The following NELL1 variants were observed in gnomAD, a reference collection of about 807,000 sequenced individuals.
NELL1 encodes neural EGFL like 1.
A neutral mutation model predicts 107.4 loss-of-function variants in NELL1; 76 were observed. That is an observed-to-expected ratio of 0.71 (90% CI 0.59 to 0.86). The LOEUF is 0.86. NELL1 is among the 40% of genes least tolerant of loss of function. The probability of loss-of-function intolerance (pLI) is 0.00; values close to 1 mark genes in which losing one functional copy is unlikely to be tolerated. For missense variants in NELL1, 1,024 were observed against 1,005.5 expected, an observed-to-expected ratio of 1.02 and a Z score of -0.25; for synonymous variants, 353 against 341.2, an observed-to-expected ratio of 1.03 and a Z score of -0.38.
At chr11:21,555,169 G>T (rs942692860) in intron 16 of NELL1, among the ~76,000 whole-genome samples, 1 of 151,866 alleles carries the variant, frequency 6.6e-6, no homozygotes, top group African/African-American at 2.4e-5. Flanking sequence ...AAATAAATAT[G>T]CAGGGAATTC....
chr11:20,895,101 C>T (rs1350808679), intron 5 of NELL1, among the ~76,000 whole-genome samples: 2 of 144,764 alleles, frequency 1.4e-5, no homozygotes, highest in Non-Finnish European at 3.0e-5. Context: ...GAAACCCCGT[C>T]TCTACTAAAA....
chr11:21,103,687 CT>C (rs1469822665), intron 12 of NELL1, among the ~76,000 whole-genome samples: 1 of 152,148 alleles, frequency 6.6e-6, no homozygotes, highest in African/African-American at 2.4e-5. Flanking sequence ...CTTGTTTACT[CT>C]TGACTGAATT....
At chr11:21,523,316 T>A (rs754911213) in intron 15 of NELL1, among the ~76,000 whole-genome samples, 2 of 152,190 alleles carry the variant, frequency 1.3e-5, no homozygotes, top group Non-Finnish European at 2.9e-5. Flanking sequence ...AGTCTGACAA[T>A]CTTTGCCTTT....
intron 13 of NELL1, chr11:21,169,656 C>A: frequency 4.3e-6 from 2 of 467,022 alleles, no homozygotes; most frequent in Non-Finnish European, 7.5e-6. Flanking sequence ...TTTAGGCAAA[C>A]CCCTTCCTTA....
chr11:20,733,992 T>C (rs1031699969), intron 2 of NELL1, among the ~76,000 whole-genome samples: 1 of 151,912 alleles, frequency 6.6e-6, no homozygotes, highest in African/African-American at 2.4e-5. Context: ...GTACAGGTGA[T>C]AGGGATGTTT....
At chr11:20,988,490 T>G (rs528132337) in intron 12 of NELL1, among the ~76,000 whole-genome samples, 1 of 150,598 alleles carries the variant, frequency 6.6e-6, no homozygotes, top group Admixed American at 6.6e-5. Context: ...TATATACACA[T>G]GTACATATAT....
chr11:21,319,516 A>ATATT (rs1291132794), intron 14 of NELL1, among the ~76,000 whole-genome samples: 1 of 120,328 alleles, frequency 8.3e-6, no homozygotes, highest in Non-Finnish European at 1.8e-5. Context: ...ATATATATAT[A>ATATT]TTTTTAGTAG....
At chr11:20,682,422 T>C (rs1056582190) in intron 2 of NELL1, among the ~76,000 whole-genome samples, 1 of 151,994 alleles carries the variant, frequency 6.6e-6, no homozygotes, top group African/African-American at 2.4e-5. Flanking sequence ...CAAAATTAAT[T>C]GGTATTTTAC....
chr11:21,292,689 C>T (rs1163286235), intron 14 of NELL1, among the ~76,000 whole-genome samples: 1 of 152,014 alleles, frequency 6.6e-6, no homozygotes, highest in Non-Finnish European at 1.5e-5. Context: ...ATACTGCAAG[C>T]CTACAGTAAC....
intron 2 of NELL1, among the ~76,000 whole-genome samples, chr11:20,755,555 T>TTTTA (rs1564895047): frequency 5.4e-5 from 1 of 18,372 alleles, no homozygotes; most frequent in African/African-American, 9.8e-5. Flanking sequence ...TTTTTGTTTT[T>TTTTA]GTTTTTGTTT....
chr11:21,412,520 A>G (rs936647851), intron 15 of NELL1, among the ~76,000 whole-genome samples: 1 of 152,090 alleles, frequency 6.6e-6, no homozygotes, highest in African/African-American at 2.4e-5. Context: ...AAATGACAGA[A>G]CCAAGATTTG....
chr11:21,011,338 G>A (rs2134287232), intron 12 of NELL1, among the ~76,000 whole-genome samples: 1 of 152,172 alleles, frequency 6.6e-6, no homozygotes, highest in Non-Finnish European at 1.5e-5. Context: ...GGCATTAGGG[G>A]TGCAAAATAT....
chr11:21,399,111 G>A (rs1010337207), intron 15 of NELL1, among the ~76,000 whole-genome samples: 32 of 151,820 alleles, frequency 2.1e-4, no homozygotes, highest in African/African-American at 5.5e-4. Context: ...TTCTCTTGAC[G>A]TTTAGCTGCA....
Position 21,406,425 on chromosome 11 carries a change from A to G in NELL1, c.1645+35477A>G, listed in dbSNP as rs535852111. Among the ~76,000 whole-genome samples, 187 of 149,902 alleles carry G rather than the reference A, an allele frequency of 1.2e-3. 4 individuals carry two copies. The South Asian group carries it at 0.038, about 31-fold the overall frequency. ...AATAATAATAATTACCAGAAGAAGT[A>G]GATTACTGAATGATTATTGTCTCCC... On this transcript the variant is annotated intron_variant, in intron 15 of 19. Transcript: ENST00000357134.
chr11:21,301,514 CA>C (rs1849491847), intron 14 of NELL1, among the ~76,000 whole-genome samples: 1 of 152,132 alleles, frequency 6.6e-6, no homozygotes, highest in Admixed American at 6.6e-5. Flanking sequence ...AGCATTTTTT[CA>C]TGTGTCTTTT....
At chr11:21,180,753 G>T (rs1856809721) in intron 13 of NELL1, among the ~76,000 whole-genome samples, 1 of 151,524 alleles carries the variant, frequency 6.6e-6, no homozygotes, top group Admixed American at 6.6e-5. Flanking sequence ...CTGGGGCAAG[G>T]TTTAGGGGCT....
chr11:21,014,466 C>T (rs1852520263), intron 12 of NELL1, among the ~76,000 whole-genome samples: 1 of 152,094 alleles, frequency 6.6e-6, no homozygotes. Context: ...GTAATGCTGG[C>T]ATTCCTCAGA....
At chr11:21,341,479 A>G (rs1236745606) in intron 14 of NELL1, among the ~76,000 whole-genome samples, 1 of 152,194 alleles carries the variant, frequency 6.6e-6, no homozygotes, top group African/African-American at 2.4e-5. Flanking sequence ...TTTGTAAACA[A>G]AGCCTCATGT....
chr11:20,933,001 G>T (rs918238982), intron 9 of NELL1, among the ~76,000 whole-genome samples: 2 of 152,236 alleles, frequency 1.3e-5, no homozygotes, highest in African/African-American at 4.8e-5. Context: ...TACAAAGTAG[G>T]TAAGAACATA....
Sources: gnomAD v4.1 joint callset for allele counts (sites outside exome capture counted in the v4.1 genomes callset) on GRCh38, gnomAD v4.1.1 for gene constraint, MANE v1.5 for transcripts, NCBI Gene and HGNC (gene_info 2026-07-23, HGNC 2026-07-21) for gene names.